EYA2: variants seen among roughly 807,000 people sequenced by gnomAD.
EYA2 encodes protein phosphatase EYA2.
In EYA2, 31 loss-of-function variants were observed where a neutral mutation model predicts 69.2. The ratio of observed to expected loss-of-function variants is 0.45; its 90% CI spans 0.34 to 0.60. The LOEUF is 0.60. Ranked by LOEUF, EYA2 falls within the 20% of genes least tolerant of loss-of-function variation. EYA2 has a pLI of 0.02. For missense variants in EYA2, 622 were observed against 701.2 expected, an observed-to-expected ratio of 0.89 and a Z score of 1.28; for synonymous variants, 257 against 279.4, an observed-to-expected ratio of 0.92 and a Z score of 0.80.
intron 5 of EYA2, among the ~76,000 whole-genome samples, chr20:47,059,564 T>A (rs1477423032): frequency 6.6e-6 from 1 of 152,242 alleles, no homozygotes; most frequent in South Asian, 2.1e-4. Context: ...TTGGCCAGGC[T>A]GGTCTCGAAC....
chr20:47,115,691 A>C (rs2032871194), intron 9 of EYA2, among the ~76,000 whole-genome samples: 1 of 151,670 alleles, frequency 6.6e-6, no homozygotes, highest in African/African-American at 2.4e-5. Context: ...CTCTGCCTCC[A>C]CCACCCTCAG....
At chr20:46,902,913 T>C (rs1331502391) in intron 1 of EYA2, among the ~76,000 whole-genome samples, 1 of 152,218 alleles carries the variant, frequency 6.6e-6, no homozygotes, top group Admixed American at 6.5e-5. Flanking sequence ...AAAAGTTTGC[T>C]GACCTCTAAG....
chr20:46,944,681 G>T (rs1190429983), intron 1 of EYA2, among the ~76,000 whole-genome samples: 1 of 152,060 alleles, frequency 6.6e-6, no homozygotes, highest in Admixed American at 6.5e-5. Flanking sequence ...AAATGTTTGT[G>T]TATGTCTCAC....
intron 5 of EYA2, among the ~76,000 whole-genome samples, chr20:47,023,032 T>C (rs994548695): frequency 6.6e-6 from 1 of 151,934 alleles, no homozygotes; most frequent in East Asian, 1.9e-4. Context: ...TCCGATATAT[T>C]CCTTTTGTAA....
At chr20:47,115,092 C>T (rs962472215) in intron 9 of EYA2, among the ~76,000 whole-genome samples, 1 of 152,186 alleles carries the variant, frequency 6.6e-6, no homozygotes, top group South Asian at 2.1e-4. Context: ...TCGGGCATGC[C>T]GAGGCAAGCA....
chr20:47,057,300 C>T (rs542373407), intron 5 of EYA2, among the ~76,000 whole-genome samples: 1 of 152,264 alleles, frequency 6.6e-6, no homozygotes, highest in South Asian at 2.1e-4. Context: ...GGCTTGCCAG[C>T]TGCAGCCAGG....
At chr20:47,017,299 G>A (rs2146372169) in intron 5 of EYA2, among the ~76,000 whole-genome samples, 1 of 152,254 alleles carries the variant, frequency 6.6e-6, no homozygotes, top group South Asian at 2.1e-4. Flanking sequence ...TGATAAGATG[G>A]TGGGCTGATG....
rs576502552 is a variant in EYA2, at chr20:46,999,910, G to A, written c.110-1518G>A. ...GCGCTGTTGTGAGGACTCAATGAGA[G>A]CCTGTCTATAAGCAGTTAACAAGGG... On this transcript the variant is annotated intron_variant, in intron 2 of 15. Transcript: ENST00000327619. 5.3e-5 allele frequency among the ~76,000 whole-genome samples: 8 copies of A among 152,324 alleles called. No individual in the cohort carries two copies. In the East Asian group the frequency reaches 1.5e-3, roughly 29 times the overall value.
intron 1 of EYA2, among the ~76,000 whole-genome samples, chr20:46,923,712 A>G (rs1410222862): frequency 4.0e-5 from 6 of 151,708 alleles, no homozygotes; most frequent in Admixed American, 6.6e-5. Context: ...GTGTGTGTGG[A>G]GAGAGAGAGA....
chr20:47,053,754 A>T (rs547667099), intron 5 of EYA2, among the ~76,000 whole-genome samples: 64 of 150,780 alleles, frequency 4.2e-4, no homozygotes, highest in African/African-American at 1.5e-3. Flanking sequence ...TTCTTGGGAG[A>T]TAGAAGAATC....
At chr20:47,154,819 TTGTGTG>T (rs11472542) in intron 10 of EYA2, among the ~76,000 whole-genome samples, 4,761 of 140,858 alleles carry the variant, frequency 0.034, 245 homozygotes, top group African/African-American at 0.1. Flanking sequence ...TTATTTTGTT[TTGTGTG>T]TGTGTGTGTG....
intron 15 of EYA2, among the ~76,000 whole-genome samples, chr20:47,185,323 CAG>C (rs1192533816): frequency 2.2e-5 from 2 of 91,668 alleles, no homozygotes; most frequent in Non-Finnish European, 4.6e-5. Flanking sequence ...TTTTTTGAGA[CAG>C]AATCTCACTG....
chr20:47,133,589 G>A (rs2033393028), intron 9 of EYA2, among the ~76,000 whole-genome samples: 1 of 152,184 alleles, frequency 6.6e-6, no homozygotes. Flanking sequence ...AACTCACAAG[G>A]CTCAGAGAAG....
At chr20:47,114,951 C>CT (rs2032850176) in intron 9 of EYA2, among the ~76,000 whole-genome samples, 1 of 152,252 alleles carries the variant, frequency 6.6e-6, no homozygotes, top group Non-Finnish European at 1.5e-5. Context: ...TCCCCAGAAG[C>CT]TCAGCAGTTG....
At chr20:47,064,936 G>T (rs2146460220) in intron 5 of EYA2, among the ~76,000 whole-genome samples, 1 of 152,294 alleles carries the variant, frequency 6.6e-6, no homozygotes, top group South Asian at 2.1e-4. Flanking sequence ...ATTTATAAAG[G>T]AAGGAGGTTT....
intron 1 of EYA2, among the ~76,000 whole-genome samples, chr20:46,908,908 A>G (rs1435709597): frequency 2.8e-5 from 1 of 36,016 alleles, no homozygotes. Flanking sequence ...TTTTTTTTTT[A>G]CCAATTCCTG....
At position 46,958,488 on chromosome 20, in the gene EYA2, A is replaced by T. The variant is rs565428893; in HGVS notation, c.-10-31513A>T. Among the ~76,000 whole-genome samples, 3 of 152,220 alleles carry T rather than the reference A, an allele frequency of 2.0e-5. No individual in the cohort carries two copies. The South Asian group carries it at 6.2e-4, about 32-fold the overall frequency. On this transcript the variant is annotated intron_variant, in intron 1 of 15. Transcript: ENST00000327619. ...GAACATGTTATATAGTTTTTCACTG[A>T]TGGCTGGTATGAAGATAGTAGCATT...
At chr20:47,148,006 C>G (rs1186579918) in intron 10 of EYA2, among the ~76,000 whole-genome samples, 1 of 141,186 alleles carries the variant, frequency 7.1e-6, no homozygotes, top group Non-Finnish European at 1.5e-5. Context: ...CTGCAGTGAG[C>G]AGAGATCGCC....
chr20:47,004,909 C>G, intron 3 of EYA2, 33 bp from the exon 4 acceptor site: 7 of 1,613,986 alleles, frequency 4.3e-6, no homozygotes, highest in Non-Finnish European at 4.2e-6. Flanking sequence ...CCAGACTGGG[C>G]CTGGAGATTT....
Sources: allele counts gnomAD v4.1 joint callset (sites outside exome capture counted in the v4.1 genomes callset), GRCh38; gene constraint gnomAD v4.1.1; transcripts MANE v1.5; gene names NCBI Gene and HGNC (gene_info 2026-07-23, HGNC 2026-07-21).